Variants in SKOR2 observed in about 807,000 individuals in gnomAD.
The protein encoded by SKOR2 is LBX1 corepressor 1-like protein.
Under a neutral mutation model 69.1 loss-of-function variants are expected in SKOR2, and 47 were observed. The observed-to-expected ratio is 0.68, with a 90% CI of 0.54 to 0.87. The LOEUF is 0.87. Among genes scored for constraint, SKOR2 ranks in the 40% least tolerant of loss-of-function variants. SKOR2 has a pLI of 0.00. For missense variants in SKOR2, 1,404 were observed against 1,472.2 expected (o/e 0.95, Z 0.76); for synonymous variants, 717 against 672.6 (o/e 1.07, Z -1.02).
At chr18:47,233,254 T>C (rs1011905439) in intron 4 of SKOR2, among the ~76,000 whole-genome samples, 1 of 152,156 alleles carries the variant, frequency 6.6e-6, no homozygotes, top group Non-Finnish European at 1.5e-5. Context: ...CTCTATAGGC[T>C]CAGATGTACT....
chr18:47,231,879 G>A (rs2064201249), intron 4 of SKOR2, among the ~76,000 whole-genome samples: 1 of 151,060 alleles, frequency 6.6e-6, no homozygotes, highest in Admixed American at 6.6e-5. Context: ...AGCTAGGTGT[G>A]GTGACTCACA....
chr18:47,245,846 T>A (rs2064270654), intron 2 of SKOR2, among the ~76,000 whole-genome samples: 1 of 151,816 alleles, frequency 6.6e-6, no homozygotes, highest in African/African-American at 2.4e-5. Flanking sequence ...CACCATGTTA[T>A]CTGTCAAATC....
intron 7 of SKOR2, among the ~76,000 whole-genome samples, chr18:47,217,973 T>C (rs1335238498): frequency 6.6e-6 from 1 of 152,190 alleles, no homozygotes; most frequent in Non-Finnish European, 1.5e-5. Flanking sequence ...TGTAAAATAT[T>C]TTATAAGACA....
intron 7 of SKOR2, among the ~76,000 whole-genome samples, chr18:47,216,310 A>G (rs975931659): frequency 3.3e-5 from 5 of 152,214 alleles, no homozygotes; most frequent in African/African-American, 1.2e-4. Flanking sequence ...TACAAATGCT[A>G]TAAGCACTTA....
chr18:47,231,767 C>T (rs2064200548), intron 4 of SKOR2, among the ~76,000 whole-genome samples: 2 of 150,606 alleles, frequency 1.3e-5, no homozygotes, highest in South Asian at 2.1e-4. Context: ...CACTTGAACC[C>T]GGGAGGCGGA....
In SKOR2 at chr18:47,214,679, A is replaced by T. The variant is rs181166001; in HGVS notation, c.2986-2528T>A. Among the ~76,000 whole-genome samples, 381 of 152,284 alleles carry T rather than the reference A, an allele frequency of 2.5e-3. 1 individual carries two copies. The highest frequency in any genetic ancestry group is 4.6e-3 in the Non-Finnish European group (312 of 68,026). On this transcript the variant is annotated intron_variant, in intron 7 of 8. Transcript: ENST00000425639. ...TCAGATGTATTAGAATTACAGTTGA[A>T]ACCTTTTACTTTATGATTCATCAAA...
intron 6 of SKOR2, among the ~76,000 whole-genome samples, chr18:47,229,818 C>T (rs1357418763): frequency 1.3e-5 from 2 of 152,138 alleles, no homozygotes; most frequent in African/African-American, 4.8e-5. Flanking sequence ...ATCTGGACAC[C>T]TACCATAAAG....
intron 4 of SKOR2, among the ~76,000 whole-genome samples, chr18:47,232,762 G>A (rs1037502252): frequency 4.6e-5 from 7 of 152,194 alleles, no homozygotes; most frequent in Non-Finnish European, 8.8e-5. Context: ...CCAGGAGGTC[G>A]TAAATTCTAA....
chr18:47,248,022 T>C lies in SKOR2; in HGVS notation c.1162A>G (p.Lys388Glu). 7.0e-7 allele frequency: 1 copy of C among 1,438,526 alleles called. No individual in the cohort carries two copies. Among genetic ancestry groups the C allele is most frequent in the Non-Finnish European group, 9.1e-7 (1 of 1,097,570 alleles). 89.1% of individuals were successfully genotyped at this position (1,438,526 alleles called of 1,614,324 possible). A position where few individuals can be genotyped will look rare whatever the true frequency, so the allele number is the denominator to read the frequency against. The change falls in exon 2 of 9, where the codon AAG (lysine) becomes GAG (glutamate). Residue 388 changes from lysine to glutamate, a missense_variant. By Grantham distance (56) the Lys-to-Glu change is moderately conservative. Transcript: ENST00000425639. The surrounding 1 kb of genome is among the most constrained non-coding windows in gnomAD (Gnocchi z 6.4). The stretch of plus-strand genomic sequence containing the variant: ...TGCAGGACGCCCCCGAACGAGCCCT[T>C]GCTGGGCACCGGGATGACTGGGTAG... Reference protein sequence around the residue: ...RSYPVIPVPSKGSFGGVLQKF... With the variant: ...RSYPVIPVPSEGSFGGVLQKF...
chr18:47,232,628 C>T (rs2064203999), intron 4 of SKOR2, among the ~76,000 whole-genome samples: 1 of 152,208 alleles, frequency 6.6e-6, no homozygotes, highest in African/African-American at 2.4e-5. Flanking sequence ...CCTTACTCCC[C>T]TTCCTCAGTC....
At position 47,247,954 on chromosome 18, in the gene SKOR2, G is replaced by A; in HGVS notation, c.1230C>T (p.Thr410=). ...TGAAGGCGGCGGCCGCGGCAGGGAA[G>A]GTGTAGGGGTGCGGGAAGAGCCCGC... ...GCGGLFPHPY[T]FPAAAAAFSL... Residue 410 remains threonine (T), a synonymous_variant, in exon 2 of 9, where the codon ACC becomes ACT. Transcript: ENST00000425639. The surrounding 1 kb of genome is among the most constrained non-coding windows in gnomAD (Gnocchi z 6.6). The A allele has an allele frequency of 1.5e-6, 2 of 1,360,186 alleles. No individual in the cohort carries two copies. Among genetic ancestry groups the A allele is most frequent in the Non-Finnish European group, 9.4e-7 (1 of 1,063,578 alleles). 84.3% of individuals were successfully genotyped at this position (1,360,186 alleles called of 1,614,324 possible).
intron 8 of SKOR2, among the ~76,000 whole-genome samples, chr18:47,209,974 T>G (rs1600021610): frequency 1.3e-5 from 2 of 151,988 alleles, no homozygotes; most frequent in South Asian, 2.1e-4. Context: ...ACGCCTATAA[T>G]GCTGAGATAG....
In SKOR2 at chr18:47,246,833, C is replaced by T; in HGVS notation, c.2351G>A (p.Gly784Asp). ...CCCTCGGCCCTGGAGGAACCGGCCG[C>T]CCCCGACTAAGGGGTCGCCGAGTAG... Reference protein sequence around the residue: ...EVLLGDPLVGGGRFLQGRGPS... With the variant: ...EVLLGDPLVGDGRFLQGRGPS... Residue 784 changes from glycine to aspartate, a missense_variant, in exon 2 of 9, where the codon GGC becomes GAC. Around this residue, in one of 3 missense-constraint regions of SKOR2, gnomAD observed 1,266 missense variants for 1,309.9 expected, o/e 0.97. Coordinates refer to ENST00000425639, the MANE Select transcript of SKOR2 (RefSeq NM_001278063.4). The T allele has an allele frequency of 2.7e-6, 4 of 1,467,550 alleles. No individual in the cohort carries two copies. The highest frequency in any genetic ancestry group is 2.3e-5 in the Admixed American group (1 of 42,998). The allele number at this position is 1,467,550 out of a possible 1,614,324, so 90.9% of individuals were successfully genotyped here. A position where few individuals can be genotyped will look rare whatever the true frequency, so the allele number is the denominator to read the frequency against.
intron 4 of SKOR2, among the ~76,000 whole-genome samples, chr18:47,238,320 CTTTTTTTTTT>C (rs772229985): frequency 1.9e-5 from 2 of 108,068 alleles, no homozygotes; most frequent in Non-Finnish European, 1.8e-5. Flanking sequence ...CTTTTCTTTT[CTTTTTTTTTT>C]TTTTTTTTTT....
At chr18:47,226,195 T>G (rs1242482785) in intron 6 of SKOR2, among the ~76,000 whole-genome samples, 1 of 152,050 alleles carries the variant, frequency 6.6e-6, no homozygotes, top group African/African-American at 2.4e-5. Flanking sequence ...AATGCTGTAA[T>G]AAAGGAAGGC....
At chr18:47,208,100 G>C (rs1403564873) in intron 8 of SKOR2, among the ~76,000 whole-genome samples, 1 of 152,144 alleles carries the variant, frequency 6.6e-6, no homozygotes, top group African/African-American at 2.4e-5. Flanking sequence ...ATAAGAGTGA[G>C]ACTCAAAGAG....
At position 47,247,610 on chromosome 18, in the gene SKOR2, G is replaced by A; in HGVS notation, c.1574C>T (p.Ala525Val). The change falls in exon 2 of 9, where the codon GCC becomes GTC. Residue 525 changes from alanine to valine, a missense_variant. Ala to Val is a moderately conservative substitution (Grantham distance 64, BLOSUM62 0). This residue lies in a region of SKOR2 where 1,266 missense variants were observed against 1,309.9 expected (regional missense o/e 0.97). Coordinates refer to ENST00000425639, the MANE Select transcript of SKOR2 (RefSeq NM_001278063.4). This position sits in a 1 kb window ranked among gnomAD's most constrained non-coding sequence, Gnocchi z 6.6. ...EPGGAAGSAEAAPPPGQPPQV... is the reference protein window; with the variant it reads ...EPGGAAGSAEVAPPPGQPPQV... Reference sequence around the variant, plus strand: ...CGGGGGCTGCCCCGGCGGGGGCGCGGCCTCGGCGCTCCCAGCAGCACCGCC... The same window carrying A: ...CGGGGGCTGCCCCGGCGGGGGCGCGACCTCGGCGCTCCCAGCAGCACCGCC... 7.8e-7 allele frequency: 1 copy of A among 1,277,638 alleles called. No homozygotes were observed. The highest frequency in any genetic ancestry group is 9.9e-7 in the Non-Finnish European group (1 of 1,014,922). 79.1% of individuals were successfully genotyped at this position (1,277,638 alleles called of 1,614,324 possible).
chr18:47,212,917 T>G (rs1363456794), intron 7 of SKOR2, among the ~76,000 whole-genome samples: 2 of 152,152 alleles, frequency 1.3e-5, no homozygotes, highest in African/African-American at 4.8e-5. Context: ...TGAGCCATGA[T>G]TGCACCACTG....
In SKOR2 at chr18:47,245,495, T is replaced by TTTTTTTC; in HGVS notation, c.2677+2_2677+3insGAAAAAA. On this transcript the variant is annotated splice_region_variant and intron_variant, in intron 3 of 8. Coordinates refer to ENST00000425639, the MANE Select transcript of SKOR2 (RefSeq NM_001278063.4). Reference sequence around the variant, plus strand: ...GGCAGCTGATTTTTTTTTTTTTTTTTACCTGAAAAGCTGTTGTCATCCTTT... The same window carrying TTTTTTTC: ...GGCAGCTGATTTTTTTTTTTTTTTTTTTTTTTCACCTGAAAAGCTGTTGTCATCCTTT... The TTTTTTTC allele has an allele frequency of 6.8e-7, 1 of 1,470,348 alleles. No homozygotes were observed. Among genetic ancestry groups the TTTTTTTC allele is most frequent in the Non-Finnish European group, 9.0e-7 (1 of 1,116,558 alleles). 91.1% of individuals were successfully genotyped at this position (1,470,348 alleles called of 1,614,324 possible).
Sources: allele counts gnomAD v4.1 joint callset (sites outside exome capture counted in the v4.1 genomes callset), GRCh38; gene constraint gnomAD v4.1.1; regional missense constraint gnomAD v4.1.1; non-coding constraint Gnocchi (gnomAD v3.1); transcripts MANE v1.5; gene names NCBI Gene and HGNC (gene_info 2026-07-23, HGNC 2026-07-21).